POLE: variants seen among roughly 807,000 people sequenced by gnomAD.
POLE encodes the protein DNA polymerase epsilon, catalytic subunit, also known as DNA polymerase epsilon catalytic subunit A.
POLE carries 188 observed loss-of-function variants against 279.2 expected under a neutral mutation model. That is an observed-to-expected ratio of 0.67 (90% CI 0.60 to 0.76). The LOEUF is 0.76. POLE is among the 30% of genes least tolerant of loss of function. POLE has a pLI of 0.00. For missense variants in POLE, 2,703 were observed against 3,016.7 expected, an observed-to-expected ratio of 0.90 and a Z score of 2.44; for synonymous variants, 1,214 against 1,172.5, an observed-to-expected ratio of 1.04 and a Z score of -0.72.
chr12:132,632,045 G>C (rs1044826255), intron 45 of POLE, among the ~76,000 whole-genome samples: 1 of 152,182 alleles, frequency 6.6e-6, no homozygotes, highest in Non-Finnish European at 1.5e-5. Flanking sequence ...TTGGTGGAAT[G>C]AACAAGTAAC....
intron 1 of POLE, among the ~76,000 whole-genome samples, chr12:132,685,959 TC>T (rs1265506888): frequency 2.6e-5 from 4 of 151,994 alleles, no homozygotes; most frequent in Non-Finnish European, 5.9e-5. Flanking sequence ...CACCGCAACC[TC>T]CGCCTGCCGC....
Position 132,665,450 on chromosome 12 carries a change from C to T in POLE, c.2320G>A (p.Val774Met), listed in dbSNP as rs1427682599. ...GCCGCCGAGAGCTTCTTTTTCCACACCTGAGAAGCACATGAACATGGAGCA... is the reference window on the plus strand; with the variant it reads ...GCCGCCGAGAGCTTCTTTTTCCACATCTGAGAAGCACATGAACATGGAGCA... Reference protein sequence around the residue: ...RRYEFKGLHKVWKKKLSAAVE... With the variant: ...RRYEFKGLHKMWKKKLSAAVE... Residue 774 changes from valine (V) to methionine (M), a missense_variant and splice_region_variant, in exon 21 of 49, where the codon GTG becomes ATG. Physicochemically the swap from Val to Met is conservative, Grantham distance 21. Around this residue, in one of 5 missense-constraint regions of POLE, gnomAD observed 1,011 missense variants for 1,111.7 expected, o/e 0.91. Coordinates refer to ENST00000320574, the MANE Select transcript of POLE (RefSeq NM_006231.4). The T allele has an allele frequency of 3.1e-6, 5 of 1,608,554 alleles. No individual in the cohort carries two copies. The South Asian group carries it at 3.3e-5, about 11-fold the overall frequency.
At chr12:132,649,107 G>C (rs769230357) in intron 31 of POLE, 35 bp from the exon 32 acceptor site, 2 of 1,598,392 alleles carry the variant, frequency 1.3e-6, no homozygotes, top group Non-Finnish European at 1.7e-6. Context: ...CACATCACAG[G>C]ACACACTGGA....
rs1397985428 is a variant in POLE at position 132,659,460 on chromosome 12, C to T, written c.3110G>A (p.Arg1037His). ...SELFELISENRSMSRKLEDYG... is the reference protein window; with the variant it reads ...SELFELISENHSMSRKLEDYG... ...ATCTTCCAGCTTCCGAGACATGGAA[C>T]GGTTCTCAGAGATGAGCTCGAATAG... is the stretch of plus-strand genomic sequence containing the variant. The change falls in exon 26 of 49, where the codon CGT (arginine) becomes CAT (histidine). Residue 1037 changes from arginine (R) to histidine (H), a missense_variant. Transcript: ENST00000320574. 5 of 1,614,094 alleles carry T rather than the reference C, an allele frequency of 3.1e-6. No homozygotes were observed. The highest frequency in any genetic ancestry group is 4.5e-5 in the East Asian group (2 of 44,902).
In POLE at chr12:132,675,640, C is replaced by T. The variant is rs1487896467; in HGVS notation, c.1106+95G>A. 1 of 1,573,472 alleles carries T rather than the reference C, an allele frequency of 6.4e-7. No homozygotes were observed. The highest frequency in any genetic ancestry group is 8.7e-7 in the Non-Finnish European group (1 of 1,147,344). On this transcript the variant is annotated intron_variant, in intron 11 of 48. Transcript: ENST00000320574. The surrounding 1 kb of genome is among the most constrained non-coding windows in gnomAD (Gnocchi z 4.3). Reference sequence around the variant, plus strand: ...GGAGGTGCAGAGTGAACCCAGGAGCCACCTCCTAAGTCGACATGGGAAGCG... The same window carrying T: ...GGAGGTGCAGAGTGAACCCAGGAGCTACCTCCTAAGTCGACATGGGAAGCG...
At chr12:132,631,683 A>G (rs534462698) in intron 45 of POLE, among the ~76,000 whole-genome samples, 1 of 152,244 alleles carries the variant, frequency 6.6e-6, no homozygotes, top group East Asian at 1.9e-4. Flanking sequence ...CCTTTCCCAG[A>G]AAGGCCTCAG....
At chr12:132,655,935 G>A (rs1309071061) in intron 29 of POLE, among the ~76,000 whole-genome samples, 2 of 152,036 alleles carry the variant, frequency 1.3e-5, no homozygotes, top group Admixed American at 1.3e-4. Context: ...GCCAAGGCGG[G>A]TGCATTCACC....
In POLE at chr12:132,681,980, T is replaced by C. The variant is rs1161105142; in HGVS notation, c.63-701A>G. Among the ~76,000 whole-genome samples, 7 of 151,786 alleles carry C rather than the reference T, an allele frequency of 4.6e-5. 1 individual carries two copies. Among genetic ancestry groups the C allele is most frequent in the Admixed American group, 4.6e-4 (7 of 15,252 alleles). ...CGGGTGGATCACCTGAGGTCAGGAG[T>C]TTGAGACCAGCCTGGCCAGCATGGT... On this transcript the variant is annotated intron_variant, in intron 1 of 48. Coordinates refer to ENST00000320574, the MANE Select transcript of POLE (RefSeq NM_006231.4).
chr12:132,640,083 C>T (rs1448786232), intron 39 of POLE, among the ~76,000 whole-genome samples: 2 of 152,172 alleles, frequency 1.3e-5, no homozygotes, highest in Admixed American at 6.5e-5. Context: ...CCTGCCTTCC[C>T]GCCACTTCCT....
intron 45 of POLE, 46 bp downstream of exon 45, chr12:132,632,269 C>G (rs1463538912): frequency 6.8e-7 from 1 of 1,460,062 alleles, no homozygotes; most frequent in Admixed American, 1.7e-5. Flanking sequence ...TCGCCTTACA[C>G]ATGTACGTTA....
chr12:132,673,416 G>C (rs2042975722), intron 13 of POLE, 139 bp from the exon 14 acceptor site: 2 of 1,223,006 alleles, frequency 1.6e-6, no homozygotes, highest in East Asian at 4.7e-5. Context: ...AAACACGTGT[G>C]TCCCGGAGAC....
rs201962689 is a variant in POLE at position 132,638,025 on chromosome 12, G to A, written c.5667C>T (p.Tyr1889=). 8.7e-6 allele frequency: 14 copies of A among 1,613,964 alleles called. No individual in the cohort carries two copies. Among genetic ancestry groups the A allele is most frequent in the Admixed American group, 1.7e-5 (1 of 60,006 alleles). The change falls in exon 41 of 49, where the codon TAC becomes TAT. Residue 1889 remains tyrosine, a synonymous_variant. Coordinates refer to ENST00000320574, the MANE Select transcript of POLE (RefSeq NM_006231.4). ...CCAGCCAGCCGCACCTGCTGGTGAT[G>A]TACTCCACGTAAGCGATGGCATCTT... ...RVEDAIAYVE[Y]ITSSIHSKET...
chr12:132,643,168 T>C (rs2042192665), intron 35 of POLE, 56 bp downstream of exon 35: 1 of 1,568,792 alleles, frequency 6.4e-7, no homozygotes, highest in African/African-American at 1.4e-5. Flanking sequence ...GGAGATGTCC[T>C]CCTTCCCCAA....
chr12:132,663,100 T>C (rs948688266), intron 23 of POLE, among the ~76,000 whole-genome samples: 3 of 152,212 alleles, frequency 2.0e-5, no homozygotes, highest in African/African-American at 7.2e-5. Flanking sequence ...CAGAAGCTTA[T>C]GGAGCAGCTG....
chr12:132,654,572 T>C (rs1479073611), intron 29 of POLE, among the ~76,000 whole-genome samples: 3 of 152,130 alleles, frequency 2.0e-5, no homozygotes, highest in African/African-American at 7.2e-5. Context: ...AATAAAAAAC[T>C]CTGTCCTGAA....
intron 33 of POLE, 45 bp from the exon 34 acceptor site, chr12:132,643,605 G>C (rs1249044500): frequency 1.2e-6 from 2 of 1,610,746 alleles, no homozygotes; most frequent in African/African-American, 1.3e-5. Flanking sequence ...GGATGGTGGG[G>C]GCTCTGGCTG....
Position 132,675,570 on chromosome 12 carries a change from CCT to C in POLE, c.1107-55_1107-54del. 4 of 1,608,976 alleles carry C rather than the reference CCT, an allele frequency of 2.5e-6. No individual in the cohort carries two copies. The highest frequency in any genetic ancestry group is 2.5e-6 in the Non-Finnish European group (3 of 1,177,420). ...AGTGGGCAGGTCAGGCTCTAATGCC[CCT>C]TTCTCCATTCCTCCCTCAGACCCAG... On this transcript the variant is annotated intron_variant, in intron 11 of 48. Coordinates refer to ENST00000320574, the MANE Select transcript of POLE (RefSeq NM_006231.4). The surrounding 1 kb of genome is among the most constrained non-coding windows in gnomAD (Gnocchi z 4.3).
intron 16 of POLE, among the ~76,000 whole-genome samples, chr12:132,671,554 A>C (rs1381122462): frequency 6.6e-6 from 1 of 151,438 alleles, no homozygotes; most frequent in Non-Finnish European, 1.5e-5. Context: ...CTGTAATCCC[A>C]GCTACTGGGG....
Position 132,639,057 on chromosome 12 carries a change from G to A in POLE, c.5552+68C>T, listed in dbSNP as rs764371961. The stretch of plus-strand genomic sequence containing the variant: ...GAGGCACTGGCTGGCCATGTCTCTG[G>A]TTCTGGGGAGTAAGGGACCAGCCCA... On this transcript the variant is annotated intron_variant, in intron 40 of 48. Coordinates refer to ENST00000320574, the MANE Select transcript of POLE (RefSeq NM_006231.4). This position sits in a 1 kb window ranked among gnomAD's most constrained non-coding sequence, Gnocchi z 4.7. 2 of 1,393,400 alleles carry A rather than the reference G, an allele frequency of 1.4e-6. No individual in the cohort carries two copies. Among genetic ancestry groups the A allele is most frequent in the Non-Finnish European group, 2.0e-6 (2 of 985,630 alleles). The allele number at this position is 1,393,400 out of a possible 1,614,324, so 86.3% of individuals were successfully genotyped here.
Sources: gnomAD v4.1 joint callset for allele counts (sites outside exome capture counted in the v4.1 genomes callset) on GRCh38, gnomAD v4.1.1 for gene constraint, gnomAD v4.1.1 regional missense constraint, Gnocchi (gnomAD v3.1) non-coding constraint, MANE v1.5 for transcripts, NCBI Gene and HGNC (gene_info 2026-07-23, HGNC 2026-07-21) for gene names.